The following CCSER1 variants were observed in gnomAD, a reference collection of about 807,000 sequenced individuals.
CCSER1 encodes the protein coiled-coil serine rich protein 1.
In CCSER1, 41 loss-of-function variants were observed where a neutral mutation model predicts 82.0. The ratio of observed to expected loss-of-function variants is 0.50; its 90% CI spans 0.39 to 0.65. The LOEUF is 0.65. Ranked by LOEUF, CCSER1 falls within the 30% of genes least tolerant of loss-of-function variation. The pLI is 0.00. For missense variants in CCSER1, 1,119 were observed against 1,064.2 expected (o/e 1.05, Z -0.72); for synonymous variants, 414 against 383.9 (o/e 1.08, Z -0.92).
intron 9 of CCSER1, among the ~76,000 whole-genome samples, chr4:90,925,997 T>A (rs1411610741): frequency 6.6e-6 from 1 of 152,002 alleles, no homozygotes; most frequent in Non-Finnish European, 1.5e-5. Flanking sequence ...CAAAAATAAG[T>A]AAAACACTTT....
chr4:90,382,058 A>G (rs1749289554), intron 3 of CCSER1, among the ~76,000 whole-genome samples: 1 of 152,064 alleles, frequency 6.6e-6, no homozygotes, highest in Non-Finnish European at 1.5e-5. Flanking sequence ...ACAATATTTC[A>G]ATTTTGTGTC....
chr4:91,122,569 G>C (rs1412543702), intron 10 of CCSER1, among the ~76,000 whole-genome samples: 1 of 151,574 alleles, frequency 6.6e-6, no homozygotes, highest in Non-Finnish European at 1.5e-5. Flanking sequence ...CTAGAAAAAG[G>C]AAAAACCTAT....
chr4:91,193,157 C>G lies in CCSER1; in HGVS notation c.2217+107163C>G, dbSNP rs1735142278. On this transcript the variant is annotated intron_variant, in intron 10 of 10. Transcript: ENST00000509176. ...ATACCTAAAACAGAGCCTTTTACCTCAGTGTTGCTTGGTTATTTGAATCTA... is the reference window on the plus strand; with the variant it reads ...ATACCTAAAACAGAGCCTTTTACCTGAGTGTTGCTTGGTTATTTGAATCTA... Among the ~76,000 whole-genome samples, 3 of 152,140 alleles carry G rather than the reference C, an allele frequency of 2.0e-5. No individual in the cohort carries two copies. The South Asian group carries it at 6.2e-4, about 32-fold the overall frequency.
At chr4:91,357,737 A>G (rs1748943445) in intron 10 of CCSER1, among the ~76,000 whole-genome samples, 1 of 151,744 alleles carries the variant, frequency 6.6e-6, no homozygotes, top group Non-Finnish European at 1.5e-5. Context: ...TTTTTCTTTC[A>G]TGACTTTCGC....
chr4:91,172,620 C>T (rs78722700), intron 10 of CCSER1, among the ~76,000 whole-genome samples: 5,207 of 152,248 alleles, frequency 0.034, 126 homozygotes, highest in Non-Finnish European at 0.052. Flanking sequence ...ATTTTGTCAT[C>T]ACACCACCCT....
intron 10 of CCSER1, among the ~76,000 whole-genome samples, chr4:91,411,917 T>C (rs1338657766): frequency 6.6e-6 from 1 of 151,826 alleles, no homozygotes. Flanking sequence ...ATTATCATGG[T>C]TATCCAGATG....
chr4:91,467,534 C>T, intron 10 of CCSER1, among the ~76,000 whole-genome samples: 1 of 152,030 alleles, frequency 6.6e-6, no homozygotes, highest in Non-Finnish European at 1.5e-5. Context: ...TTCTGCACAG[C>T]AAAAGAAACT....
In CCSER1 at chr4:90,763,343, C is replaced by T. The variant is rs1202607713; in HGVS notation, c.2010+39352C>T. On this transcript the variant is annotated intron_variant, in intron 7 of 10. Transcript: ENST00000509176. ...AAGATTTGGGAGGAGAGCCATTTGT[C>T]CCTGGTGCTTCCTGCAGATTCCACT... Among the ~76,000 whole-genome samples the T allele has an allele frequency of 5.9e-5, 9 of 151,930 alleles. No individual in the cohort carries two copies. In the East Asian group the frequency reaches 1.5e-3, roughly 26 times the overall value.
intron 5 of CCSER1, among the ~76,000 whole-genome samples, chr4:90,490,769 T>A (rs1261884574): frequency 6.6e-6 from 1 of 152,196 alleles, no homozygotes; most frequent in African/African-American, 2.4e-5. Flanking sequence ...CACCATTTTT[T>A]AAATAGGGAA....
At chr4:90,455,848 T>C (rs892070871) in intron 4 of CCSER1, among the ~76,000 whole-genome samples, 4 of 152,180 alleles carry the variant, frequency 2.6e-5, no homozygotes, top group Middle Eastern at 3.2e-3. Context: ...CAGGAGTTAG[T>C]CATGCTCACC....
intron 10 of CCSER1, among the ~76,000 whole-genome samples, chr4:91,425,719 G>A (rs1011277217): frequency 5.3e-5 from 8 of 152,144 alleles, no homozygotes; most frequent in Admixed American, 2.0e-4. Context: ...GGTTTCCATA[G>A]ACTGGTAGAG....
At chr4:91,296,174 A>G (rs1483526760) in intron 10 of CCSER1, among the ~76,000 whole-genome samples, 1 of 151,708 alleles carries the variant, frequency 6.6e-6, no homozygotes, top group East Asian at 1.9e-4. Context: ...ACAAAGTACA[A>G]ATGGTTTTGG....
chr4:91,067,095 C>T (rs562843319), intron 9 of CCSER1, among the ~76,000 whole-genome samples: 9 of 151,530 alleles, frequency 5.9e-5, no homozygotes, highest in East Asian at 2.0e-4. Context: ...ACCCGGGAGG[C>T]GGAGCTTGCA....
intron 9 of CCSER1, among the ~76,000 whole-genome samples, chr4:90,991,811 C>T (rs2150448368): frequency 6.6e-6 from 1 of 152,156 alleles, no homozygotes; most frequent in Middle Eastern, 3.4e-3. Context: ...CCATCTCTCT[C>T]CTTTTTTCAG....
chr4:90,591,375 A>G (rs1457973552), intron 5 of CCSER1, among the ~76,000 whole-genome samples: 4 of 152,064 alleles, frequency 2.6e-5, no homozygotes, highest in Non-Finnish European at 4.4e-5. Context: ...TTTCAAGGAG[A>G]ATATGAACAG....
intron 1 of CCSER1, among the ~76,000 whole-genome samples, chr4:90,144,520 C>T (rs1381266470): frequency 2.0e-5 from 3 of 152,060 alleles, no homozygotes; most frequent in Non-Finnish European, 4.4e-5. Context: ...CAAATTTACT[C>T]AATGCACACA....
intron 10 of CCSER1, among the ~76,000 whole-genome samples, chr4:91,184,843 T>G (rs1269398014): frequency 6.6e-6 from 1 of 152,224 alleles, no homozygotes; most frequent in Admixed American, 6.5e-5. Context: ...TTTTTAGGGC[T>G]ATATAATTGT....
chr4:90,947,470 C>T (rs1732395313), intron 9 of CCSER1, among the ~76,000 whole-genome samples: 1 of 152,090 alleles, frequency 6.6e-6, no homozygotes, highest in East Asian at 1.9e-4. Flanking sequence ...TATTCTCCAG[C>T]TATGTTTCAG....
At chr4:91,144,466 C>T (rs192862253) in intron 10 of CCSER1, among the ~76,000 whole-genome samples, 3 of 151,708 alleles carry the variant, frequency 2.0e-5, no homozygotes, top group Admixed American at 2.0e-4. Context: ...TCGTTTAGTT[C>T]TATTTGGATT....
Sources: allele counts gnomAD v4.1 joint callset (sites outside exome capture counted in the v4.1 genomes callset), GRCh38; gene constraint gnomAD v4.1.1; transcripts MANE v1.5; gene names NCBI Gene and HGNC (gene_info 2026-07-23, HGNC 2026-07-21).